SLC10A7: variants seen among roughly 807,000 people sequenced by gnomAD.
SLC10A7 encodes the protein sodium/bile acid cotransporter 7.
A neutral mutation model predicts 43.2 loss-of-function variants in SLC10A7; 29 were observed. The ratio of observed to expected loss-of-function variants is 0.67; its 90% CI spans 0.50 to 0.92. The LOEUF (loss-of-function observed/expected upper bound fraction) is 0.92. SLC10A7 is among the 40% of genes least tolerant of loss of function. SLC10A7 has a pLI of 0.00. For missense variants in SLC10A7, 295 were observed against 403.2 expected (o/e 0.73, Z 2.30); for synonymous variants, 152 against 144.8 (o/e 1.05, Z -0.35).
chr4:146,293,040 T>A (rs2111185704), intron 8 of SLC10A7, 60 bp from the exon 9 acceptor site: 2 of 1,064,384 alleles, frequency 1.9e-6, no homozygotes, highest in Non-Finnish European at 1.4e-6. Context: ...GTAGCATACT[T>A]ATTGGTATAC....
chr4:146,267,264 A>G (rs1405983020), intron 10 of SLC10A7, among the ~76,000 whole-genome samples: 3 of 152,176 alleles, frequency 2.0e-5, no homozygotes, highest in South Asian at 4.1e-4. Context: ...CTTGCCTGTG[A>G]GATCAGTCTG....
chr4:146,288,522 A>C (rs1730188584), intron 9 of SLC10A7, among the ~76,000 whole-genome samples: 1 of 152,184 alleles, frequency 6.6e-6, no homozygotes, highest in Admixed American at 6.5e-5. Context: ...CCTTTTGAGA[A>C]AGACAATATT....
intron 5 of SLC10A7, among the ~76,000 whole-genome samples, chr4:146,337,604 A>G (rs934601097): frequency 3.9e-5 from 6 of 152,076 alleles, no homozygotes; most frequent in Admixed American, 3.9e-4. Flanking sequence ...ATTGAGGTAT[A>G]TTATGTACTA....
chr4:146,395,606 A>G (rs1738768928), intron 5 of SLC10A7, among the ~76,000 whole-genome samples: 1 of 152,230 alleles, frequency 6.6e-6, no homozygotes, highest in South Asian at 2.1e-4. Context: ...GCTGCTTGTG[A>G]GTGAACTGGA....
chr4:146,293,064 A>C (rs1277564687), intron 8 of SLC10A7, 84 bp from the exon 9 acceptor site: 1 of 806,284 alleles, frequency 1.2e-6, no homozygotes, highest in Non-Finnish European at 1.9e-6. Flanking sequence ...TTTTATCTAA[A>C]ATTTATAGGA....
chr4:146,464,576 G>GT (rs1314914212), intron 4 of SLC10A7, among the ~76,000 whole-genome samples: 1 of 151,932 alleles, frequency 6.6e-6, no homozygotes, highest in Non-Finnish European at 1.5e-5. Context: ...TAAATGAACA[G>GT]TAAGCCTTTT....
chr4:146,276,489 C>T lies in SLC10A7; in HGVS notation c.847+6703G>A, dbSNP rs114093502. The stretch of plus-strand genomic sequence containing the variant: ...TTAAATGCCCAATTAATGTTTGCTG[C>T]TATTATTACTATTGAAAATGTGTTG... On this transcript the variant is annotated intron_variant, in intron 10 of 11. Coordinates refer to ENST00000335472, the MANE Select transcript of SLC10A7 (RefSeq NM_001029998.6). 2.8e-3 allele frequency among the ~76,000 whole-genome samples: 421 copies of T among 152,122 alleles called. 5 individuals carry two copies. Among genetic ancestry groups the T allele is most frequent in the African/African-American group, 9.5e-3 (393 of 41,492 alleles).
At chr4:146,427,975 C>A (rs1481207653) in intron 5 of SLC10A7, among the ~76,000 whole-genome samples, 1 of 151,866 alleles carries the variant, frequency 6.6e-6, no homozygotes, top group Non-Finnish European at 1.5e-5. Flanking sequence ...GATCAAGAAC[C>A]AGCCTTGGCA....
In SLC10A7 at chr4:146,283,317, CA is replaced by C. The variant is rs1729669026; in HGVS notation, c.774-53del. On this transcript the variant is annotated intron_variant, in intron 9 of 11. Transcript: ENST00000335472. ...ATACTTTTATAAAAAGCCAATTTAA[CA>C]CATTCAAAATCAAATGTAGTACCTA... 3 of 1,455,660 alleles carry C rather than the reference CA, an allele frequency of 2.1e-6. No homozygotes were observed. The South Asian group carries it at 3.5e-5, about 17-fold the overall frequency. The allele number at this position is 1,455,660 out of a possible 1,614,324, so 90.2% of individuals were successfully genotyped here. A position where few individuals can be genotyped will look rare whatever the true frequency, so the allele number is the denominator to read the frequency against.
intron 4 of SLC10A7, among the ~76,000 whole-genome samples, chr4:146,457,641 T>C: frequency 6.6e-6 from 1 of 151,946 alleles, no homozygotes; most frequent in Admixed American, 6.6e-5. Flanking sequence ...ACATTTCTAA[T>C]GTCAGGAATG....
chr4:146,484,522 T>G (rs1734755749), intron 4 of SLC10A7, among the ~76,000 whole-genome samples: 1 of 151,738 alleles, frequency 6.6e-6, no homozygotes, highest in Non-Finnish European at 1.5e-5. Context: ...CATAGAGAGA[T>G]AGAGAAAAAA....
intron 5 of SLC10A7, among the ~76,000 whole-genome samples, chr4:146,404,442 G>C (rs958233953): frequency 6.6e-6 from 1 of 150,804 alleles, no homozygotes; most frequent in African/African-American, 2.5e-5. Context: ...TACTGGTACA[G>C]TTGTACATCT....
intron 4 of SLC10A7, among the ~76,000 whole-genome samples, chr4:146,493,916 A>T (rs1156860763): frequency 6.6e-6 from 1 of 152,244 alleles, no homozygotes; most frequent in African/African-American, 2.4e-5. Flanking sequence ...CTATAAATGT[A>T]ATATGTATAT....
intron 2 of SLC10A7, among the ~76,000 whole-genome samples, chr4:146,510,323 G>C (rs1344495441): frequency 6.6e-6 from 1 of 150,598 alleles, no homozygotes; most frequent in South Asian, 2.1e-4. Flanking sequence ...ACAGTGGCGC[G>C]ATCTTGGCTC....
At chr4:146,389,164 G>A (rs961467042) in intron 5 of SLC10A7, among the ~76,000 whole-genome samples, 1 of 152,134 alleles carries the variant, frequency 6.6e-6, no homozygotes, top group Admixed American at 6.5e-5. Context: ...ACTCCAAAAG[G>A]TAGAAGAGTG....
At chr4:146,386,831 A>G (rs1174892714) in intron 5 of SLC10A7, among the ~76,000 whole-genome samples, 1 of 152,160 alleles carries the variant, frequency 6.6e-6, no homozygotes, top group Non-Finnish European at 1.5e-5. Context: ...TTATTTGTAT[A>G]TATGTCTCTC....
chr4:146,448,479 C>T (rs997497113), intron 4 of SLC10A7, among the ~76,000 whole-genome samples: 2 of 152,126 alleles, frequency 1.3e-5, no homozygotes, highest in African/African-American at 4.8e-5. Flanking sequence ...TGACTCCTAC[C>T]CAAGTCTTCT....
chr4:146,440,485 C>T (rs1195176765), intron 5 of SLC10A7, among the ~76,000 whole-genome samples: 9 of 152,054 alleles, frequency 5.9e-5, no homozygotes, highest in African/African-American at 7.2e-5. Flanking sequence ...GAGTCTTGGC[C>T]CATGATGAGA....
intron 5 of SLC10A7, among the ~76,000 whole-genome samples, chr4:146,426,711 T>G (rs1197819421): frequency 2.6e-5 from 4 of 151,850 alleles, no homozygotes; most frequent in African/African-American, 7.3e-5. Flanking sequence ...CCGTCTCTAT[T>G]AAAAAATACA....
Sources: allele counts gnomAD v4.1 joint callset (sites outside exome capture counted in the v4.1 genomes callset), GRCh38; gene constraint gnomAD v4.1.1; transcripts MANE v1.5; gene names NCBI Gene and HGNC (gene_info 2026-07-23, HGNC 2026-07-21).